The following C11orf65 variants were observed in gnomAD, a reference collection of about 807,000 sequenced individuals.
The protein encoded by C11orf65 is protein MFI.
Under a neutral mutation model 35.3 loss-of-function variants are expected in C11orf65, and 38 were observed. The ratio of observed to expected loss-of-function variants is 1.08; its 90% CI spans 0.83 to 1.41. The LOEUF (loss-of-function observed/expected upper bound fraction) is 1.41, where lower values mean the gene tolerates loss of function less well. Among genes scored for constraint, C11orf65 ranks in the 40% most tolerant of loss-of-function variants. The probability of loss-of-function intolerance (pLI) is 0.00; values close to 1 mark genes in which losing one functional copy is unlikely to be tolerated. For synonymous variants in C11orf65, 105 were observed against 114.4 expected (o/e 0.92, Z 0.53); for missense variants, 370 against 367.1 (o/e 1.01, Z -0.06).
chr11:108,458,200 A>T (rs1030272901), intron 2 of C11orf65, among the ~76,000 whole-genome samples: 1 of 150,652 alleles, frequency 6.6e-6, no homozygotes, highest in African/African-American at 2.4e-5. Context: ...TTGTTTTGAC[A>T]TTATTGGTTT....
chr11:108,355,282 T>C, intron 2 of C11orf65: 1 of 234,434 alleles, frequency 4.3e-6, no homozygotes, highest in South Asian at 5.8e-5. Context: ...ATTGTCAGCA[T>C]CATTACTAGA....
intron 3 of C11orf65, 97 bp from the exon 4 acceptor site, chr11:108,407,246 T>C: frequency 2.3e-6 from 2 of 886,198 alleles, no homozygotes; most frequent in South Asian, 2.3e-5. Context: ...AATTGCTAAA[T>C]ATTGACTATT....
chr11:108,361,887 G>T (rs2090808897), intron 2 of C11orf65, among the ~76,000 whole-genome samples: 1 of 150,230 alleles, frequency 6.7e-6, no homozygotes, highest in Non-Finnish European at 1.5e-5. Context: ...CATAGGCATG[G>T]GCAAGGACTT....
At chr11:108,422,014 C>T (rs1444624696) in intron 3 of C11orf65, among the ~76,000 whole-genome samples, 1 of 152,162 alleles carries the variant, frequency 6.6e-6, no homozygotes, top group African/African-American at 2.4e-5. Flanking sequence ...TTGCTGCAAC[C>T]TCTGCCTCCC....
downstream of C11orf65, chr11:108,329,202 T>G (rs28904921): frequency 6.4e-5 from 104 of 1,613,824 alleles, no homozygotes; most frequent in Non-Finnish European, 8.3e-5. Context: ...AAAGAGGAAG[T>G]AGGTCTCCTT....
downstream of C11orf65, among the ~76,000 whole-genome samples, chr11:108,328,623 C>T (rs2085932751): frequency 6.6e-6 from 1 of 152,172 alleles, no homozygotes; most frequent in South Asian, 2.1e-4. Context: ...GTTATTTCTA[C>T]ACTGTCAAAG....
chr11:108,424,991 G>T (rs562978123), intron 3 of C11orf65, among the ~76,000 whole-genome samples: 65 of 152,308 alleles, frequency 4.3e-4, no homozygotes, highest in African/African-American at 1.5e-3. Flanking sequence ...GACTTCCCAG[G>T]AAACAGCTAA....
chr11:108,452,025 A>C (rs1325160117), intron 2 of C11orf65, among the ~76,000 whole-genome samples: 1 of 152,194 alleles, frequency 6.6e-6, no homozygotes, highest in African/African-American at 2.4e-5. Flanking sequence ...TAAAGACTTA[A>C]ACGTTAGACC....
chr11:108,365,344 A>G lies in C11orf65; in HGVS notation c.226+27864T>C, dbSNP rs1137889. The G allele has an allele frequency of 6.2e-7, 1 of 1,614,218 alleles. No homozygotes were observed. ...CCTTAGTGATATTGACCAGAGTTTC[A>G]ACAAAGTAGCTGAACGTGTCTTAAT... is the stretch of plus-strand genomic sequence containing the variant. On this transcript the variant is annotated intron_variant, in intron 2 of 3. Transcript: ENST00000524755.
chr11:108,415,511 T>C (rs935120261), intron 3 of C11orf65, among the ~76,000 whole-genome samples: 1 of 152,166 alleles, frequency 6.6e-6, no homozygotes, highest in African/African-American at 2.4e-5. Flanking sequence ...GACTCAATAT[T>C]GTCAAGATGT....
chr11:108,388,056 T>C (rs967846243), intron 7 of C11orf65, among the ~76,000 whole-genome samples: 3 of 152,222 alleles, frequency 2.0e-5, no homozygotes, highest in African/African-American at 4.8e-5. Flanking sequence ...GACTTTGTGC[T>C]TTCAGTGGTT....
intron 2 of C11orf65, among the ~76,000 whole-genome samples, chr11:108,440,116 G>C (rs2093126882): frequency 6.6e-6 from 1 of 152,154 alleles, no homozygotes. Context: ...AACATGTTAT[G>C]AGCTTCTTAC....
At chr11:108,325,980 G>A (rs2136327357) in intron 6 of C11orf65, 1 of 1,496,798 alleles carries the variant, frequency 6.7e-7, no homozygotes. Flanking sequence ...GGTAGTTGCT[G>A]CTTTCATTAT....
At chr11:108,372,979 C>T (rs1411413899) in intron 2 of C11orf65, among the ~76,000 whole-genome samples, 1 of 152,022 alleles carries the variant, frequency 6.6e-6, no homozygotes, top group African/African-American at 2.4e-5. Flanking sequence ...ACTCAGGTGG[C>T]TGAGGCACAA....
intron 6 of C11orf65, chr11:108,325,196 A>G (rs2085521331): frequency 1.4e-6 from 1 of 738,964 alleles, no homozygotes; most frequent in South Asian, 1.8e-5. Flanking sequence ...TGTCACTACA[A>G]AAGTTCCTTT....
At chr11:108,444,689 C>T (rs1246562415) in intron 2 of C11orf65, among the ~76,000 whole-genome samples, 2 of 152,128 alleles carry the variant, frequency 1.3e-5, no homozygotes, top group Non-Finnish European at 2.9e-5. Context: ...ACGCAGAAGA[C>T]AGGTGATTTC....
chr11:108,309,150 A>G (rs756258620), intron 6 of C11orf65: 9 of 805,894 alleles, frequency 1.1e-5, no homozygotes, highest in Non-Finnish European at 1.6e-5. Context: ...TGTAAAAATT[A>G]CTTGTTATCC....
At chr11:108,360,440 A>T (rs2090588462) in intron 2 of C11orf65, among the ~76,000 whole-genome samples, 1 of 135,604 alleles carries the variant, frequency 7.4e-6, no homozygotes. Context: ...TCCCTAACTC[A>T]TTTTATGAGG....
chr11:108,341,682 C>G (rs901176890), intron 2 of C11orf65, among the ~76,000 whole-genome samples: 1 of 151,770 alleles, frequency 6.6e-6, no homozygotes, highest in Non-Finnish European at 1.5e-5. Flanking sequence ...TTAATTAGAA[C>G]AAAAAGGATC....
Sources: allele counts gnomAD v4.1 joint callset (sites outside exome capture counted in the v4.1 genomes callset), GRCh38; gene constraint gnomAD v4.1.1; transcripts MANE v1.5; gene names NCBI Gene and HGNC (gene_info 2026-07-23, HGNC 2026-07-21).